POMT1: variants seen among roughly 807,000 people sequenced by gnomAD.
POMT1 encodes protein O-mannosyl-transferase 1.
In POMT1, 85 loss-of-function variants were observed where a neutral mutation model predicts 101.6. That is an observed-to-expected ratio of 0.84 (90% CI 0.70 to 1.00). The LOEUF is 1.00. POMT1 is among the 50% of genes least tolerant of loss of function. The pLI is 0.00. For missense variants in POMT1, 857 were observed against 930.4 expected (o/e 0.92, Z 1.03); for synonymous variants, 371 against 383.0 (o/e 0.97, Z 0.37).
intron 2 of POMT1, 88 bp from the exon 3 acceptor site, chr9:131,506,026 G>T: frequency 6.4e-7 from 1 of 1,562,406 alleles, no homozygotes; most frequent in Non-Finnish European, 8.7e-7. Context: ...AAAGTCATTT[G>T]GAAACACATA....
At chr9:131,506,485 TGC>T in intron 4 of POMT1, 32 bp downstream of exon 4, 1 of 1,579,272 alleles carries the variant, frequency 6.3e-7, no homozygotes. Context: ...CCTTTTAATG[TGC>T]GCAGGTTAGA....
At chr9:131,515,274 C>G in intron 12 of POMT1, 152 bp from the exon 13 acceptor site, 1 of 776,482 alleles carries the variant, frequency 1.3e-6, no homozygotes, top group South Asian at 1.4e-5. Flanking sequence ...AGACCTCCGT[C>G]CTCAGTAGCA....
intron 6 of POMT1, 24 bp from the exon 7 acceptor site, chr9:131,509,719 C>G (rs1359517427): frequency 6.2e-7 from 1 of 1,614,088 alleles, no homozygotes; most frequent in African/African-American, 1.3e-5. Context: ...ATTTCTGTCT[C>G]CATCTGCTTT....
intron 13 of POMT1, among the ~76,000 whole-genome samples, chr9:131,516,020 C>CCTCTCACA (rs1281489933): frequency 1.4e-4 from 16 of 111,656 alleles, no homozygotes; most frequent in Non-Finnish European, 2.0e-4. Flanking sequence ...CAGGACACTT[C>CCTCTCACA]CTCACACGGA....
intron 14 of POMT1, 137 bp downstream of exon 14, chr9:131,518,674 A>C (rs758181821): frequency 6.2e-5 from 87 of 1,405,022 alleles, no homozygotes; most frequent in Non-Finnish European, 8.2e-5. Flanking sequence ...ACACTGAGGG[A>C]GGGCGGCTTT....
Position 131,522,102 on chromosome 9 carries a change from G to A in POMT1, c.1881G>A (p.Val627=), listed in dbSNP as rs1185039990. 1 of 1,613,998 alleles carries A rather than the reference G, an allele frequency of 6.2e-7. No individual in the cohort carries two copies. Among genetic ancestry groups the A allele is most frequent in the South Asian group, 1.1e-5 (1 of 91,080 alleles). The change falls in exon 19 of 20, where the codon GTG becomes GTA. Residue 627 remains valine, a synonymous_variant. Transcript: ENST00000402686. This position sits in a 1 kb window ranked among gnomAD's most constrained non-coding sequence, Gnocchi z 5.5. The part of the protein sequence containing the change: ...AGALCAGGWA[V]NYLPFFLMEK... ...CGCTGTGTGCCGGTGGCTGGGCAGT[G>A]AACTACCTCCCGTTCTTCCTGATGG...
At chr9:131,513,635 C>T (rs1588412379) in intron 12 of POMT1, among the ~76,000 whole-genome samples, 2 of 152,304 alleles carry the variant, frequency 1.3e-5, no homozygotes, top group African/African-American at 4.8e-5. Context: ...AATGTTGACC[C>T]GCTTTCTATG....
intron 17 of POMT1, 114 bp from the exon 18 acceptor site, chr9:131,521,232 G>A (rs746304879): frequency 1.9e-5 from 28 of 1,484,700 alleles, no homozygotes; most frequent in African/African-American, 6.9e-5. Flanking sequence ...TGTGCCTGGC[G>A]TTTTTTCACT....
chr9:131,514,849 A>G (rs1309125991), intron 12 of POMT1, among the ~76,000 whole-genome samples: 1 of 152,216 alleles, frequency 6.6e-6, no homozygotes, highest in Non-Finnish European at 1.5e-5. Flanking sequence ...CCAGCTAGAC[A>G]GGAGGCTGAG....
At position 131,523,039 on chromosome 9, in the gene POMT1, TCTCGCCA is replaced by T. The variant is rs1950284130; in HGVS notation, c.2113_2119del (p.Ser705MetfsTer15). ...CCACTCACCTACGGGGACAAGTCAC[TCTCGCCA>T]CATGAACTCAAGGCCCTTCGCTGGA... On this transcript the variant is annotated frameshift_variant, in exon 20 of 20. Transcript: ENST00000402686. LOFTEE classifies it high-confidence loss of function. The T allele has an allele frequency of 3.7e-6, 6 of 1,611,092 alleles. No individual in the cohort carries two copies. The Admixed American group carries it at 1.0e-4, about 27-fold the overall frequency.
At chr9:131,510,570 T>G in intron 9 of POMT1, 155 bp downstream of exon 9, 4 of 1,056,962 alleles carry the variant, frequency 3.8e-6, no homozygotes, top group Non-Finnish European at 5.6e-6. Flanking sequence ...GATGGAGTCT[T>G]ACTCTGTCAC....
At chr9:131,511,264 G>T (rs1192463748) in intron 9 of POMT1, 73 bp from the exon 10 acceptor site, 10 of 1,483,886 alleles carry the variant, frequency 6.7e-6, no homozygotes, top group Non-Finnish European at 9.2e-6. Flanking sequence ...GGGAGGAGTG[G>T]CCATCGGGAA....
Position 131,523,202 on chromosome 9 carries a change from G to A in POMT1, c.*96G>A, listed in dbSNP as rs1296529771. 8 of 1,463,536 alleles carry A rather than the reference G, an allele frequency of 5.5e-6. No homozygotes were observed. Among genetic ancestry groups the A allele is most frequent in the East Asian group, 2.4e-5 (1 of 42,452 alleles). 90.7% of individuals were successfully genotyped at this position (1,463,536 alleles called of 1,614,324 possible). ...AATGAGCAGGGTGGGCCCCACGCTG[G>A]GAGGACACGGGCTGGGCTGAGCAGG... is the stretch of plus-strand genomic sequence containing the variant. On this transcript the variant is annotated 3_prime_UTR_variant, in exon 20 of 20. Transcript: ENST00000402686.
chr9:131,505,132 C>G (rs1281655496), intron 2 of POMT1, among the ~76,000 whole-genome samples: 2 of 151,648 alleles, frequency 1.3e-5, no homozygotes, highest in Non-Finnish European at 2.9e-5. Context: ...TATACAAAAG[C>G]AGGGAGACAA....
chr9:131,522,876 G>C lies in POMT1; in HGVS notation c.2004-56G>C. ...GACAGCAGATGCCAAGAGGGTGCCG[G>C]GCAGGGAAGCCGCAGTGGTCAGCCA... On this transcript the variant is annotated intron_variant, in intron 19 of 19. Coordinates refer to ENST00000402686, the MANE Select transcript of POMT1 (RefSeq NM_001077365.2). The surrounding 1 kb of genome is among the most constrained non-coding windows in gnomAD (Gnocchi z 5.5). The C allele has an allele frequency of 6.6e-7, 1 of 1,515,246 alleles. No individual in the cohort carries two copies. Among genetic ancestry groups the C allele is most frequent in the Non-Finnish European group, 8.9e-7 (1 of 1,125,196 alleles). The allele number at this position is 1,515,246 out of a possible 1,614,324, so 93.9% of individuals were successfully genotyped here.
At chr9:131,506,040 A>G in intron 2 of POMT1, 74 bp from the exon 3 acceptor site, 4 of 1,594,676 alleles carry the variant, frequency 2.5e-6, no homozygotes, top group Non-Finnish European at 3.4e-6. Flanking sequence ...ACACATACAC[A>G]TTTATCCTCA....
chr9:131,520,435 C>A (rs1232180940), intron 17 of POMT1, among the ~76,000 whole-genome samples: 8 of 152,218 alleles, frequency 5.3e-5, no homozygotes, highest in Admixed American at 1.3e-4. Flanking sequence ...ACACATTGTT[C>A]CCCTTTTCCT....
At position 131,510,331 on chromosome 9, in the gene POMT1, GTTC is replaced by G. The variant is rs1258590241; in HGVS notation, c.776_778del (p.Phe259del). 25 of 1,614,080 alleles carry G rather than the reference GTTC, an allele frequency of 1.5e-5. No homozygotes were observed. The Admixed American group carries it at 3.3e-4, about 22-fold the overall frequency. On this transcript the variant is annotated inframe_deletion, in exon 9 of 20. Transcript: ENST00000402686. ...TCATCCCGGTCGTCCTGTACTTACTGTTCTTCTACGTCCACTTGATTCTAGTCT... is the reference window on the plus strand; with the variant it reads ...TCATCCCGGTCGTCCTGTACTTACTGTTCTACGTCCACTTGATTCTAGTCT...
At chr9:131,520,401 C>G (rs965974687) in intron 17 of POMT1, among the ~76,000 whole-genome samples, 1 of 152,196 alleles carries the variant, frequency 6.6e-6, no homozygotes, top group Non-Finnish European at 1.5e-5. Context: ...TTGAAGGAAA[C>G]CCGGCTTGAT....
Sources: allele counts gnomAD v4.1 joint callset (sites outside exome capture counted in the v4.1 genomes callset), GRCh38; gene constraint gnomAD v4.1.1; non-coding constraint Gnocchi (gnomAD v3.1); transcripts MANE v1.5; gene names NCBI Gene and HGNC (gene_info 2026-07-23, HGNC 2026-07-21).